Variants in TRIO observed in about 807,000 individuals in gnomAD.
TRIO encodes the protein trio Rho guanine nucleotide exchange factor.
TRIO carries 58 observed loss-of-function variants against 351.9 expected under a neutral mutation model. That is an observed-to-expected ratio of 0.16 (90% CI 0.13 to 0.21). TRIO has a LOEUF of 0.21. Among genes scored for constraint, TRIO ranks in the 10% least tolerant of loss-of-function variants. The probability of loss-of-function intolerance (pLI) is 1.00; values close to 1 mark genes in which losing one functional copy is unlikely to be tolerated. For missense variants in TRIO, 3,201 were observed against 4,027.8 expected (o/e 0.79, Z 5.56); for synonymous variants, 1,758 against 1,595.7 (o/e 1.10, Z -2.42).
At position 14,481,618 on chromosome 5, in the gene TRIO, C is replaced by A. The variant is rs187902032; in HGVS notation, c.6465C>A (p.Asp2155Glu). ...ACGTGGGGCGGCTGCAAGGATTCGA[C>A]GTAATGCGGCTCTTGTTTTTTAAGA... Reference protein sequence around the residue: ...MMNVGRLQGFDGKIVAQGKLL... With the variant: ...MMNVGRLQGFEGKIVAQGKLL... The change falls in exon 45 of 57, where the codon GAC (aspartate) becomes GAA (glutamate). Residue 2155 changes from aspartate to glutamate, a missense_variant and splice_region_variant. Asp to Glu is a conservative substitution (Grantham distance 45). Transcript: ENST00000344204. 1.9e-6 allele frequency: 3 copies of A among 1,614,114 alleles called. No individual in the cohort carries two copies. The highest frequency in any genetic ancestry group is 1.7e-5 in the Admixed American group (1 of 60,004).
chr5:14,403,396 GGTTGTGATGAGGGTGTAGGTT>G (rs1748328839), intron 31 of TRIO, among the ~76,000 whole-genome samples: 1 of 106,582 alleles, frequency 9.4e-6, no homozygotes, highest in African/African-American at 4.8e-5. Flanking sequence ...TGAGGGTGTA[GGTTGTGATGAGGGTGTAGGTT>G]GTGGTGAGGG....
At chr5:14,453,975 A>C (rs1753043422) in intron 34 of TRIO, among the ~76,000 whole-genome samples, 1 of 151,710 alleles carries the variant, frequency 6.6e-6, no homozygotes, top group African/African-American at 2.4e-5. Flanking sequence ...ACTCACCCAG[A>C]CTGGAGTGCG....
intron 31 of TRIO, among the ~76,000 whole-genome samples, chr5:14,404,011 T>TGTG (rs1184586949): frequency 1.1e-4 from 8 of 76,074 alleles, no homozygotes; most frequent in Admixed American, 2.5e-4. Context: ...GGGTGTAGGT[T>TGTG]GTGGTGAGGG....
At chr5:14,238,248 TG>T (rs1289730061) in intron 1 of TRIO, among the ~76,000 whole-genome samples, 3 of 152,258 alleles carry the variant, frequency 2.0e-5, no homozygotes, top group Non-Finnish European at 4.4e-5. Context: ...TACTGCATGC[TG>T]GGAGGGACTT....
intron 11 of TRIO, among the ~76,000 whole-genome samples, chr5:14,342,136 GCTT>G (rs1056102124): frequency 5.9e-4 from 89 of 152,072 alleles, no homozygotes; most frequent in African/African-American, 2.1e-3. Flanking sequence ...GAGCTGCCAG[GCTT>G]CTTGCACTGG....
At chr5:14,213,424 C>T (rs920166053) in intron 1 of TRIO, among the ~76,000 whole-genome samples, 5 of 151,616 alleles carry the variant, frequency 3.3e-5, no homozygotes, top group Non-Finnish European at 4.4e-5. Context: ...CTAGCAGAGG[C>T]GAGCAGGCTA....
At chr5:14,160,818 G>A (rs765555968) in intron 1 of TRIO, among the ~76,000 whole-genome samples, 45 of 152,268 alleles carry the variant, frequency 3.0e-4, no homozygotes, top group African/African-American at 1.0e-3. Context: ...TCTCCTTCCC[G>A]ACTCGTCCCT....
intron 7 of TRIO, among the ~76,000 whole-genome samples, chr5:14,301,684 G>T (rs950787574): frequency 7.9e-5 from 12 of 152,198 alleles, no homozygotes; most frequent in Non-Finnish European, 1.6e-4. Flanking sequence ...GAAGGTACCT[G>T]TTGAATTTCA....
chr5:14,340,130 C>G (rs796605111), intron 11 of TRIO, among the ~76,000 whole-genome samples: 4 of 152,244 alleles, frequency 2.6e-5, no homozygotes, highest in African/African-American at 9.6e-5. Context: ...CGTGGTGATT[C>G]ACGCCTGTAA....
intron 1 of TRIO, among the ~76,000 whole-genome samples, chr5:14,215,662 G>T (rs548075555): frequency 1.0e-3 from 153 of 152,312 alleles, no homozygotes; most frequent in African/African-American, 3.5e-3. Flanking sequence ...CGAAATGTGA[G>T]ATCTTTTAGC....
chr5:14,201,152 C>T (rs1355227410), intron 1 of TRIO, among the ~76,000 whole-genome samples: 1 of 151,756 alleles, frequency 6.6e-6, no homozygotes, highest in Non-Finnish European at 1.5e-5. Context: ...CCCAGCTACT[C>T]GGGAGGCTGA....
chr5:14,267,667 C>T (rs1386153893), intron 1 of TRIO, among the ~76,000 whole-genome samples: 2 of 152,114 alleles, frequency 1.3e-5, no homozygotes, highest in African/African-American at 2.4e-5. Context: ...GAGGAACTTT[C>T]ATGGTTGGGT....
chr5:14,473,995 G>A lies in TRIO; in HGVS notation c.5981G>A (p.Gly1994Asp). 6.2e-7 allele frequency: 1 copy of A among 1,611,270 alleles called. No homozygotes were observed. The highest frequency in any genetic ancestry group is 8.5e-7 in the Non-Finnish European group (1 of 1,177,732). Residue 1994 changes from glycine (G) to aspartate (D), a missense_variant and splice_region_variant, in exon 40 of 57, where the codon GGC becomes GAC. By Grantham distance (94) the Gly-to-Asp change is moderately conservative. This residue lies in a region of TRIO where 307 missense variants were observed against 396.5 expected (regional missense o/e 0.77). Coordinates refer to ENST00000344204, the MANE Select transcript of TRIO (RefSeq NM_007118.4). ...CTTATCATAACTGTTTAATTGTAGG[G>A]CTACATGGCACTTATGAAAGAAGAT... ...YVRDLGYVVE[G>D]YMALMKEDGV... is the part of the protein sequence containing the mutation.
Position 14,286,114 on chromosome 5 carries a change from G to A in TRIO, c.348-757G>A, listed in dbSNP as rs1054252217. ...ACTTTTTTTTTTTAAGTGCAATAATGTGGAGAGGAAGAACATAGTGACTCC... is the reference window on the plus strand; with the variant it reads ...ACTTTTTTTTTTTAAGTGCAATAATATGGAGAGGAAGAACATAGTGACTCC... On this transcript the variant is annotated intron_variant, in intron 3 of 56. Transcript: ENST00000344204. The surrounding 1 kb of genome is among the most constrained non-coding windows in gnomAD (Gnocchi z 4.4). 6.6e-6 allele frequency among the ~76,000 whole-genome samples: 1 copy of A among 151,900 alleles called. No individual in the cohort carries two copies. The highest frequency in any genetic ancestry group is 2.4e-5 in the African/African-American group (1 of 41,312).
In TRIO at chr5:14,389,252, A is replaced by T. The variant is rs759369301; in HGVS notation, c.3949-37A>T. The T allele has an allele frequency of 1.6e-5, 24 of 1,495,912 alleles. No individual in the cohort carries two copies. In the African/African-American group the frequency reaches 2.9e-4, roughly 18 times the overall value. 92.7% of individuals were successfully genotyped at this position (1,495,912 alleles called of 1,614,324 possible). A position where few individuals can be genotyped will look rare whatever the true frequency, so the allele number is the denominator to read the frequency against. ...ACAGCTGTTTCTTGAAAATATGGTG[A>T]TTATTTTTGTCTAATCCCTGTTTCC... On this transcript the variant is annotated intron_variant, in intron 24 of 56. Coordinates refer to ENST00000344204, the MANE Select transcript of TRIO (RefSeq NM_007118.4).
intron 25 of TRIO, among the ~76,000 whole-genome samples, 164 bp from the exon 26 acceptor site, chr5:14,390,067 C>A (rs577745981): frequency 6.6e-6 from 1 of 152,254 alleles, no homozygotes; most frequent in South Asian, 2.1e-4. Flanking sequence ...CATTTGAAGG[C>A]GAAACTGGCT....
intron 1 of TRIO, among the ~76,000 whole-genome samples, chr5:14,204,956 C>T (rs769715731): frequency 2.0e-5 from 3 of 152,130 alleles, no homozygotes; most frequent in African/African-American, 4.8e-5. Context: ...TGTTTCTAGC[C>T]GTGTAGAAGT....
chr5:14,208,039 C>A (rs1791653377), intron 1 of TRIO, among the ~76,000 whole-genome samples: 1 of 152,036 alleles, frequency 6.6e-6, no homozygotes, highest in Non-Finnish European at 1.5e-5. Flanking sequence ...TGTGGAGAAA[C>A]CAAAACCCTC....
At chr5:14,165,864 C>A (rs949169490) in intron 1 of TRIO, among the ~76,000 whole-genome samples, 7 of 152,254 alleles carry the variant, frequency 4.6e-5, no homozygotes, top group African/African-American at 1.7e-4. Context: ...GGAACGCCAA[C>A]CATCCTGGGA....
Sources: allele counts gnomAD v4.1 joint callset (sites outside exome capture counted in the v4.1 genomes callset), GRCh38; gene constraint gnomAD v4.1.1; regional missense constraint gnomAD v4.1.1; non-coding constraint Gnocchi (gnomAD v3.1); transcripts MANE v1.5; gene names NCBI Gene and HGNC (gene_info 2026-07-23, HGNC 2026-07-21).